SLIT2: variants seen among roughly 807,000 people sequenced by gnomAD.
SLIT2 encodes slit homolog 2 protein.
SLIT2 carries 41 observed loss-of-function variants against 185.7 expected under a neutral mutation model. The ratio of observed to expected loss-of-function variants is 0.22; its 90% CI spans 0.17 to 0.29. SLIT2 has a LOEUF of 0.29. Ranked by LOEUF, SLIT2 falls within the 10% of genes least tolerant of loss-of-function variation. The pLI is 1.00. For missense variants in SLIT2, 1,571 were observed against 1,909.0 expected, an observed-to-expected ratio of 0.82 and a Z score of 3.30; for synonymous variants, 693 against 680.2, an observed-to-expected ratio of 1.02 and a Z score of -0.29.
At chr4:20,472,236 A>T (rs1237922014) in intron 5 of SLIT2, among the ~76,000 whole-genome samples, 1 of 51,822 alleles carries the variant, frequency 1.9e-5, no homozygotes, top group African/African-American at 7.7e-5. Context: ...ATATATATAG[A>T]TCTATATATC....
chr4:20,428,052 A>G (rs1728691469), intron 4 of SLIT2, among the ~76,000 whole-genome samples: 1 of 152,212 alleles, frequency 6.6e-6, no homozygotes, highest in Non-Finnish European at 1.5e-5. Context: ...AGCAAAGAGA[A>G]AACTGAGGAC....
In SLIT2 at chr4:20,524,193, G is replaced by A. The variant is rs1721089555; in HGVS notation, c.1438+16G>A. On this transcript the variant is annotated intron_variant, in intron 14 of 36. Transcript: ENST00000504154. Reference sequence around the variant, plus strand: ...CGTTGTTCAGGTAATTTCTTCACGTGTTATTTCCCCTGTGACCAACAACAA... The same window carrying A: ...CGTTGTTCAGGTAATTTCTTCACGTATTATTTCCCCTGTGACCAACAACAA... 1.2e-6 allele frequency: 2 copies of A among 1,612,720 alleles called. No homozygotes were observed. The highest frequency in any genetic ancestry group is 1.7e-6 in the Non-Finnish European group (2 of 1,179,048).
At chr4:20,400,575 A>G (rs1726268881) in intron 4 of SLIT2, among the ~76,000 whole-genome samples, 1 of 151,684 alleles carries the variant, frequency 6.6e-6, no homozygotes, top group South Asian at 2.1e-4. Context: ...TCTAGAACTT[A>G]GAGCAAACTA....
In SLIT2 at chr4:20,253,681, T is replaced by G; in HGVS notation, c.-135T>G. On this transcript the variant is annotated 5_prime_UTR_variant, in exon 1 of 37. It adds an upstream start codon to the 5' untranslated region. Transcript: ENST00000504154. ...GCTCTACTGCCTTGTTCCATATTAT[T>G]TGGTGCACATTTTCCCTGGCACTCT... The G allele has an allele frequency of 9.9e-7, 1 of 1,010,022 alleles. No individual in the cohort carries two copies. Among genetic ancestry groups the G allele is most frequent in the Non-Finnish European group, 1.5e-6 (1 of 681,796 alleles). 62.6% of individuals were successfully genotyped at this position (1,010,022 alleles called of 1,614,324 possible).
chr4:20,570,135 T>G, intron 29 of SLIT2, among the ~76,000 whole-genome samples: 1 of 152,014 alleles, frequency 6.6e-6, no homozygotes, highest in East Asian at 1.9e-4. Flanking sequence ...TAGGGTCTTA[T>G]TTTTAATTTT....
At chr4:20,589,870 C>A (rs2148948691) in intron 30 of SLIT2, 133 bp downstream of exon 30, 348 of 384,130 alleles carry the variant, frequency 9.1e-4, no homozygotes, top group East Asian at 2.2e-3. Flanking sequence ...GTATCAGTGA[C>A]ATTTTTTAAA....
intron 30 of SLIT2, among the ~76,000 whole-genome samples, chr4:20,594,132 TATACATATATACACACATAC>T (rs890885971): frequency 6.8e-6 from 1 of 147,338 alleles, no homozygotes; most frequent in African/African-American, 2.6e-5. Context: ...TGTGCATATA[TATACATATATACACACATAC>T]ATATGTATGT....
At chr4:20,277,402 C>G (rs567285575) in intron 4 of SLIT2, among the ~76,000 whole-genome samples, 1 of 151,904 alleles carries the variant, frequency 6.6e-6, no homozygotes, top group South Asian at 2.1e-4. Flanking sequence ...ATCTGGTGTT[C>G]TTCTCATAAG....
chr4:20,443,878 A>G (rs2148704606), intron 4 of SLIT2, among the ~76,000 whole-genome samples: 1 of 152,324 alleles, frequency 6.6e-6, no homozygotes, highest in African/African-American at 2.4e-5. Context: ...GAACCAGGAG[A>G]CACAGCCAGA....
chr4:20,410,147 C>G (rs1199289293), intron 4 of SLIT2, among the ~76,000 whole-genome samples: 1 of 151,184 alleles, frequency 6.6e-6, no homozygotes, highest in Non-Finnish European at 1.5e-5. Context: ...TTGCCTGTGC[C>G]TATGTCCCAA....
chr4:20,251,996 A>AGCGGCGGCGGCGGC lies in SLIT2; in HGVS notation c.-1819_-1818insCGGCGGCGGCGGCG, dbSNP rs1560252946. Among the ~76,000 whole-genome samples the AGCGGCGGCGGCGGC allele has an allele frequency of 1.3e-5, 2 of 151,000 alleles. No homozygotes were observed. Among genetic ancestry groups the AGCGGCGGCGGCGGC allele is most frequent in the Admixed American group, 1.3e-4 (2 of 15,204 alleles). Reference sequence around the variant, plus strand: ...CCGCAGACTGTGGTTAAAAAAAAGAAGGCGGCGGCGGCGGCGGCGGCGGAG... The same window carrying AGCGGCGGCGGCGGC: ...CCGCAGACTGTGGTTAAAAAAAAGAAGCGGCGGCGGCGGCGGCGGCGGCGGCGGCGGCGGCGGAG... On this transcript the variant is annotated 5_prime_UTR_variant, in exon 1 of 37. Coordinates refer to ENST00000504154, the MANE Select transcript of SLIT2 (RefSeq NM_004787.4).
intron 26 of SLIT2, among the ~76,000 whole-genome samples, chr4:20,555,207 A>G (rs1724143854): frequency 6.6e-6 from 1 of 152,150 alleles, no homozygotes; most frequent in South Asian, 2.1e-4. Flanking sequence ...GTTATGGAGC[A>G]TAGAGAACTT....
chr4:20,461,702 G>T (rs553016123), intron 4 of SLIT2, among the ~76,000 whole-genome samples: 1 of 152,318 alleles, frequency 6.6e-6, no homozygotes, highest in Non-Finnish European at 1.5e-5. Flanking sequence ...GACGCAGATT[G>T]TAGAAGATTG....
chr4:20,536,048 TAAC>T (rs1722250133), intron 18 of SLIT2, among the ~76,000 whole-genome samples: 2 of 152,166 alleles, frequency 1.3e-5, no homozygotes, highest in Admixed American at 1.3e-4. Context: ...CAATTGTTAC[TAAC>T]ACAATGTAAA....
At chr4:20,281,373 A>T (rs1458443473) in intron 4 of SLIT2, among the ~76,000 whole-genome samples, 2 of 151,994 alleles carry the variant, frequency 1.3e-5, no homozygotes, top group Non-Finnish European at 2.9e-5. Flanking sequence ...TTGCGTTATA[A>T]TTTTTTTTGT....
intron 4 of SLIT2, among the ~76,000 whole-genome samples, chr4:20,413,765 T>A (rs1023850284): frequency 6.6e-6 from 1 of 152,104 alleles, no homozygotes; most frequent in Non-Finnish European, 1.5e-5. Flanking sequence ...AATAGGTATT[T>A]TTCCATCCTT....
rs567346567 is a variant in SLIT2 at position 20,517,259 on chromosome 4, GAT to G, written c.1059-2122_1059-2121del. ...ATCAGTGCCTGAGACATGGGCAGAT[GAT>G]GGGCATTCAAAAATGACAGACTCAA... On this transcript the variant is annotated intron_variant, in intron 11 of 36. Coordinates refer to ENST00000504154, the MANE Select transcript of SLIT2 (RefSeq NM_004787.4). Among the ~76,000 whole-genome samples the G allele has an allele frequency of 2.6e-4, 40 of 152,312 alleles. No individual in the cohort carries two copies. In the East Asian group the frequency reaches 7.5e-3, roughly 29 times the overall value.
chr4:20,284,133 C>T (rs1387448699), intron 4 of SLIT2, among the ~76,000 whole-genome samples: 5 of 152,166 alleles, frequency 3.3e-5, no homozygotes, highest in Admixed American at 6.5e-5. Flanking sequence ...CAACTTGCTG[C>T]CATTCAGAGA....
At chr4:20,344,406 T>C (rs1449774539) in intron 4 of SLIT2, among the ~76,000 whole-genome samples, 1 of 152,182 alleles carries the variant, frequency 6.6e-6, no homozygotes, top group Non-Finnish European at 1.5e-5. Flanking sequence ...TTCATGGTCT[T>C]CTCCAAGATT....
Sources: allele counts gnomAD v4.1 joint callset (sites outside exome capture counted in the v4.1 genomes callset), GRCh38; gene constraint gnomAD v4.1.1; transcripts MANE v1.5; gene names NCBI Gene and HGNC (gene_info 2026-07-23, HGNC 2026-07-21).